The following SYN2 variants were observed in gnomAD, a reference collection of about 807,000 sequenced individuals.
SYN2 encodes synapsin II, also known as synapsin-2.
Under a neutral mutation model 50.9 loss-of-function variants are expected in SYN2, and 19 were observed. That is an observed-to-expected ratio of 0.37 (90% confidence interval 0.26 to 0.55). SYN2 has a LOEUF of 0.55. SYN2 is among the 20% of genes least tolerant of loss of function. The pLI is 0.81. For synonymous variants in SYN2, 255 were observed against 224.9 expected (o/e 1.13, Z -1.20); for missense variants, 587 against 576.4 (o/e 1.02, Z -0.19).
At chr3:12,188,063 A>G (rs2124844148) in intron 12 of SYN2, among the ~76,000 whole-genome samples, 1 of 152,240 alleles carries the variant, frequency 6.6e-6, no homozygotes, top group South Asian at 2.1e-4. Context: ...TCTGACTCAC[A>G]GTTCAGAGTA....
chr3:12,123,284 T>A (rs1696601012), intron 1 of SYN2, among the ~76,000 whole-genome samples: 1 of 152,168 alleles, frequency 6.6e-6, no homozygotes, highest in African/African-American at 2.4e-5. Context: ...AGACACGTCG[T>A]AGTGAAGTTG....
intron 1 of SYN2, among the ~76,000 whole-genome samples, chr3:12,057,407 T>C (rs1380435786): frequency 6.6e-6 from 1 of 151,860 alleles, no homozygotes; most frequent in Admixed American, 6.6e-5. Flanking sequence ...TTGAAATGAG[T>C]TTCAAATATA....
At chr3:12,080,263 A>ATT (rs751722396) in intron 1 of SYN2, among the ~76,000 whole-genome samples, 13 of 144,364 alleles carry the variant, frequency 9.0e-5, no homozygotes, top group Admixed American at 3.5e-4. Flanking sequence ...GGATTCATTG[A>ATT]TTTTTTTTTT....
At chr3:12,182,838 C>CCCTGCCCTCCTGCTCA (rs1698254080) in intron 10 of SYN2, among the ~76,000 whole-genome samples, 1 of 152,222 alleles carries the variant, frequency 6.6e-6, no homozygotes, top group East Asian at 1.9e-4. Flanking sequence ...TACACTCCTC[C>CCCTGCCCTCCTGCTCA]CCTGCCCTCC....
At chr3:12,177,712 G>C (rs1484067733) in intron 10 of SYN2, among the ~76,000 whole-genome samples, 1 of 152,208 alleles carries the variant, frequency 6.6e-6, no homozygotes, top group African/African-American at 2.4e-5. Context: ...CTAGTGACTA[G>C]ATCCCTTAAC....
chr3:12,153,255 C>T, intron 5 of SYN2: 1 of 544,686 alleles, frequency 1.8e-6, no homozygotes. Flanking sequence ...CTTTAGAAAA[C>T]AGACTAAGCC....
At chr3:12,186,343 T>G (rs1323866637) in intron 11 of SYN2, among the ~76,000 whole-genome samples, 1 of 152,190 alleles carries the variant, frequency 6.6e-6, no homozygotes, top group Non-Finnish European at 1.5e-5. Flanking sequence ...CAGCAAACTC[T>G]AGGCAATCTG....
chr3:12,037,048 G>A (rs778480647), intron 1 of SYN2, among the ~76,000 whole-genome samples: 3 of 152,194 alleles, frequency 2.0e-5, no homozygotes, highest in African/African-American at 4.8e-5. Flanking sequence ...ACTGTGTAAC[G>A]AGAATAGACT....
At chr3:12,057,078 G>A (rs1180158712) in intron 1 of SYN2, among the ~76,000 whole-genome samples, 1 of 152,028 alleles carries the variant, frequency 6.6e-6, no homozygotes, top group African/African-American at 2.4e-5. Flanking sequence ...GATCACTTGA[G>A]GTCAGGAGTT....
intron 1 of SYN2, among the ~76,000 whole-genome samples, chr3:12,027,424 C>T (rs567081358): frequency 6.6e-6 from 1 of 152,126 alleles, no homozygotes; most frequent in Non-Finnish European, 1.5e-5. Flanking sequence ...CCATTGTCCC[C>T]CTTTTTATCA....
At chr3:12,028,150 T>A (rs1319628405) in intron 1 of SYN2, among the ~76,000 whole-genome samples, 1 of 149,678 alleles carries the variant, frequency 6.7e-6, no homozygotes, top group Admixed American at 6.7e-5. Flanking sequence ...TTGGCGATAG[T>A]TTACTGAGAA....
At chr3:12,044,181 T>TCTCTCTCTCACACACA (rs573246278) in intron 1 of SYN2, among the ~76,000 whole-genome samples, 59 of 53,388 alleles carry the variant, frequency 1.1e-3, no homozygotes, top group African/African-American at 2.4e-3. Flanking sequence ...TCTCTCTCTC[T>TCTCTCTCTCACACACA]CACACACACA....
intron 7 of SYN2, among the ~76,000 whole-genome samples, chr3:12,163,733 T>C (rs1020560319): frequency 6.6e-6 from 1 of 152,210 alleles, no homozygotes; most frequent in Non-Finnish European, 1.5e-5. Flanking sequence ...TACAATTTTA[T>C]ATTTATAATC....
At chr3:12,077,857 A>C (rs1280083828) in intron 1 of SYN2, among the ~76,000 whole-genome samples, 1 of 152,186 alleles carries the variant, frequency 6.6e-6, no homozygotes, top group Non-Finnish European at 1.5e-5. Flanking sequence ...TGCTGGGTCA[A>C]ATGGTATTTC....
intron 1 of SYN2, among the ~76,000 whole-genome samples, chr3:12,133,833 ATTAAT>A (rs1696838035): frequency 6.6e-6 from 1 of 152,230 alleles, no homozygotes; most frequent in African/African-American, 2.4e-5. Flanking sequence ...TGTTAATAAA[ATTAAT>A]TTTGTTTGGT....
At chr3:12,093,098 C>G (rs1015336571) in intron 1 of SYN2, among the ~76,000 whole-genome samples, 1 of 152,124 alleles carries the variant, frequency 6.6e-6, no homozygotes, top group Non-Finnish European at 1.5e-5. Context: ...TGAAAGTAAT[C>G]TTTAAGTTTC....
rs1005231579 is a variant in SYN2, at chr3:12,063,946, C to T, written c.377+59018C>T. On this transcript the variant is annotated intron_variant, in intron 1 of 12. Coordinates refer to ENST00000621198, the MANE Select transcript of SYN2 (RefSeq NM_133625.6). Reference sequence around the variant, plus strand: ...TCCCACCCCTTAAGTGTGAGCTGTGCATAGTGCCATCCTTTCAAAGAGTAC... The same window carrying T: ...TCCCACCCCTTAAGTGTGAGCTGTGTATAGTGCCATCCTTTCAAAGAGTAC... Among the ~76,000 whole-genome samples, 6 of 151,844 alleles carry T rather than the reference C, an allele frequency of 4.0e-5. No individual in the cohort carries two copies. In the East Asian group the frequency reaches 1.2e-3, roughly 29 times the overall value.
chr3:12,100,422 A>G (rs1696046450), intron 1 of SYN2, among the ~76,000 whole-genome samples: 1 of 152,208 alleles, frequency 6.6e-6, no homozygotes, highest in Non-Finnish European at 1.5e-5. Context: ...GGGCAACTGC[A>G]TATTCACATG....
At chr3:12,071,386 G>A in intron 1 of SYN2, 1 of 551,472 alleles carries the variant, frequency 1.8e-6, no homozygotes, top group South Asian at 1.4e-5. Flanking sequence ...CAGATGTGTA[G>A]CATTTGCTGC....
Sources: allele counts gnomAD v4.1 joint callset (sites outside exome capture counted in the v4.1 genomes callset), GRCh38; gene constraint gnomAD v4.1.1; transcripts MANE v1.5; gene names NCBI Gene and HGNC (gene_info 2026-07-23, HGNC 2026-07-21).